Variants in DTWD2 observed in about 807,000 individuals in gnomAD.
The protein encoded by DTWD2 is tRNA-uridine aminocarboxypropyltransferase 2.
A neutral mutation model predicts 31.8 loss-of-function variants in DTWD2; 39 were observed. The ratio of observed to expected loss-of-function variants is 1.22; its 90% CI spans 0.95 to 1.60. The LOEUF is 1.60. Among genes scored for constraint, DTWD2 ranks in the 40% most tolerant of loss-of-function variants. The pLI is 0.00. For missense variants in DTWD2, 515 were observed against 381.5 expected, an observed-to-expected ratio of 1.35 and a Z score of -2.92; for synonymous variants, 180 against 142.8, an observed-to-expected ratio of 1.26 and a Z score of -1.86.
At chr5:118,927,028 A>C (rs962544232) in intron 4 of DTWD2, among the ~76,000 whole-genome samples, 15 of 152,208 alleles carry the variant, frequency 9.9e-5, no homozygotes, top group African/African-American at 3.6e-4. Flanking sequence ...TTGCAAATGG[A>C]AGTCTTCTTG....
intron 1 of DTWD2, among the ~76,000 whole-genome samples, chr5:118,958,942 C>G (rs1020353295): frequency 4.6e-5 from 7 of 152,124 alleles, no homozygotes; most frequent in African/African-American, 7.2e-5. Context: ...ACTAAAGGAA[C>G]TTACCTCAAA....
chr5:118,845,130 G>A (rs1055796442), intron 5 of DTWD2, among the ~76,000 whole-genome samples: 1 of 151,978 alleles, frequency 6.6e-6, no homozygotes, highest in South Asian at 2.1e-4. Context: ...CTGGGTGACA[G>A]AGCAAGACTC....
chr5:118,924,560 G>T (rs923239943), intron 4 of DTWD2, among the ~76,000 whole-genome samples: 4 of 152,210 alleles, frequency 2.6e-5, no homozygotes, highest in African/African-American at 4.8e-5. Flanking sequence ...ATCCAGAAAA[G>T]CTGGGGAACA....
rs777008007 is a variant in DTWD2 at position 118,988,483 on chromosome 5, A to T, written c.29T>A (p.Leu10His). The T allele has an allele frequency of 3.1e-6, 5 of 1,600,822 alleles. 1 individual carries two copies. In the South Asian group the frequency reaches 5.6e-5, roughly 18 times the overall value. Reference protein sequence around the residue: MESQKEARTLQEPVARPSGA... With the variant: MESQKEARTHQEPVARPSGA... Reference sequence around the variant, plus strand: ...AGAAGGCCGCGCAACGGGCTCCTGGAGTGTTCGTGCCTCTTTCTGCGACTC... The same window carrying T: ...AGAAGGCCGCGCAACGGGCTCCTGGTGTGTTCGTGCCTCTTTCTGCGACTC... Residue 10 changes from leucine (L) to histidine (H), a missense_variant, in exon 1 of 6, where the codon CTC becomes CAC. By Grantham distance (99) the Leu-to-His change is moderately conservative. Transcript: ENST00000510708.
At chr5:118,860,518 T>C (rs1752237179) in intron 4 of DTWD2, among the ~76,000 whole-genome samples, 1 of 152,182 alleles carries the variant, frequency 6.6e-6, no homozygotes, top group Admixed American at 6.5e-5. Context: ...TTTGTGTTAA[T>C]CTTCCTGCTG....
intron 2 of DTWD2, among the ~76,000 whole-genome samples, chr5:118,942,353 AAAT>A (rs1211821224): frequency 1.3e-5 from 2 of 152,168 alleles, no homozygotes; most frequent in Non-Finnish European, 2.9e-5. Context: ...TAAAAACAGA[AAAT>A]AATAATAATA....
intron 2 of DTWD2, among the ~76,000 whole-genome samples, chr5:118,940,711 T>C (rs1754159781): frequency 6.6e-6 from 1 of 152,206 alleles, no homozygotes; most frequent in Non-Finnish European, 1.5e-5. Flanking sequence ...AACACAGAGA[T>C]GTTAATTAAC....
chr5:118,849,856 T>C (rs1751956490), intron 4 of DTWD2, among the ~76,000 whole-genome samples: 1 of 151,824 alleles, frequency 6.6e-6, no homozygotes, highest in Non-Finnish European at 1.5e-5. Flanking sequence ...GAGGGGAACA[T>C]CACACACCAG....
intron 4 of DTWD2, among the ~76,000 whole-genome samples, chr5:118,918,547 A>C (rs1421895272): frequency 1.3e-5 from 2 of 152,190 alleles, no homozygotes; most frequent in Non-Finnish European, 2.9e-5. Flanking sequence ...ACAGAATCAA[A>C]GTTAAACTCC....
intron 1 of DTWD2, among the ~76,000 whole-genome samples, chr5:118,945,315 T>A (rs778789645): frequency 5.9e-5 from 9 of 152,066 alleles, no homozygotes; most frequent in Non-Finnish European, 8.8e-5. Flanking sequence ...CAATTAGAAT[T>A]AAAGGCTATA....
chr5:118,948,465 A>G (rs530018387), intron 1 of DTWD2, among the ~76,000 whole-genome samples: 7 of 152,200 alleles, frequency 4.6e-5, no homozygotes, highest in Non-Finnish European at 8.8e-5. Flanking sequence ...TGGGCGACAA[A>G]GCAAGACTCC....
chr5:118,864,222 C>A (rs1752331278), intron 4 of DTWD2, among the ~76,000 whole-genome samples: 1 of 149,118 alleles, frequency 6.7e-6, no homozygotes, highest in Non-Finnish European at 1.5e-5. Context: ...GAGTTCATGT[C>A]CTTTGTAGGG....
At chr5:118,981,631 C>T (rs113712571) in intron 1 of DTWD2, among the ~76,000 whole-genome samples, 1 of 152,178 alleles carries the variant, frequency 6.6e-6, no homozygotes, top group Non-Finnish European at 1.5e-5. Context: ...CACCTTCTTA[C>T]CTTACTACAG....
intron 4 of DTWD2, among the ~76,000 whole-genome samples, chr5:118,876,697 A>G (rs1752629017): frequency 6.6e-6 from 1 of 152,006 alleles, no homozygotes. Flanking sequence ...AAGTCCTTAA[A>G]CAGACCAATA....
At chr5:118,916,455 C>T (rs188832716) in intron 4 of DTWD2, among the ~76,000 whole-genome samples, 121 of 152,072 alleles carry the variant, frequency 8.0e-4, no homozygotes, top group African/African-American at 2.7e-3. Flanking sequence ...CACCTGAGGT[C>T]GGGAGTTCGA....
At chr5:118,916,219 G>T (rs147293464) in intron 4 of DTWD2, among the ~76,000 whole-genome samples, 66 of 152,278 alleles carry the variant, frequency 4.3e-4, no homozygotes, top group African/African-American at 1.5e-3. Flanking sequence ...TTGCCTATCT[G>T]ATTTGCCTGT....
chr5:118,982,065 A>G (rs894727533), intron 1 of DTWD2, among the ~76,000 whole-genome samples: 36 of 152,202 alleles, frequency 2.4e-4, no homozygotes, highest in African/African-American at 8.7e-4. Flanking sequence ...GAATAACACT[A>G]TTTAAATAGT....
intron 4 of DTWD2, among the ~76,000 whole-genome samples, chr5:118,897,317 T>A (rs1753105741): frequency 6.6e-6 from 1 of 152,216 alleles, no homozygotes; most frequent in Non-Finnish European, 1.5e-5. Flanking sequence ...AAGTGTTATC[T>A]ACAACAGAAG....
intron 2 of DTWD2, among the ~76,000 whole-genome samples, chr5:118,943,688 A>G (rs1754262273): frequency 6.6e-6 from 1 of 152,198 alleles, no homozygotes; most frequent in Non-Finnish European, 1.5e-5. Flanking sequence ...CAGTGAGCTG[A>G]GATTGTACCA....
Sources: allele counts gnomAD v4.1 joint callset (sites outside exome capture counted in the v4.1 genomes callset), GRCh38; gene constraint gnomAD v4.1.1; transcripts MANE v1.5; gene names NCBI Gene and HGNC (gene_info 2026-07-23, HGNC 2026-07-21).